Variants in DIO2 observed in about 807,000 individuals in gnomAD.
The protein encoded by DIO2 is iodothyronine deiodinase 2, also known as type II iodothyronine deiodinase.
A neutral mutation model predicts 21.4 loss-of-function variants in DIO2; 19 were observed. The observed-to-expected ratio is 0.89, with a 90% CI of 0.62 to 1.30. The LOEUF (loss-of-function observed/expected upper bound fraction) is 1.30. DIO2 is among the 50% of genes most tolerant of loss of function. The probability of loss-of-function intolerance (pLI) is 0.00; values close to 1 mark genes in which losing one functional copy is unlikely to be tolerated. For synonymous variants in DIO2, 122 were observed against 132.9 expected (o/e 0.92, Z 0.57); for missense variants, 302 against 338.1 (o/e 0.89, Z 0.84).
At chr14:80,227,353 C>T (rs1172636817) in intron 2 of DIO2, among the ~76,000 whole-genome samples, 1 of 152,204 alleles carries the variant, frequency 6.6e-6, no homozygotes, top group East Asian at 1.9e-4. Context: ...TCAGGACCTG[C>T]TCGAGCTCAA....
intron 1 of DIO2, among the ~76,000 whole-genome samples, chr14:80,209,121 C>G (rs1056384706): frequency 1.3e-5 from 2 of 152,118 alleles, no homozygotes; most frequent in Admixed American, 6.6e-5. Context: ...TAATGGAACA[C>G]TATACATTGG....
rs1594877995 is a variant in DIO2 at position 80,211,463 on chromosome 14, G to A, written c.10C>T (p.Leu4Phe). 3.1e-6 allele frequency: 5 copies of A among 1,608,380 alleles called. No homozygotes were observed. The highest frequency in any genetic ancestry group is 3.4e-6 in the Non-Finnish European group (4 of 1,177,698). Reference sequence around the variant, plus strand: ...AGTGTGATCAGCAAGTCTACGCTGAGGATGCCCATCTTCTCTGCCTCCTGA... The same window carrying A: ...AGTGTGATCAGCAAGTCTACGCTGAAGATGCCCATCTTCTCTGCCTCCTGA... The part of the protein sequence containing the change: MGI[L>F]SVDLLITLQI... The change falls in exon 1 of 2, where the codon CTC becomes TTC. Residue 4 changes from leucine (L) to phenylalanine (F), a missense_variant. Coordinates refer to ENST00000438257, the MANE Select transcript of DIO2 (RefSeq NM_013989.5).
chr14:80,210,235 T>C (rs936868600), intron 1 of DIO2, among the ~76,000 whole-genome samples: 6 of 152,190 alleles, frequency 3.9e-5, no homozygotes, highest in African/African-American at 9.6e-5. Context: ...AGAAGTCATA[T>C]GGGCATAGCA....
intron 1 of DIO2, 101 bp from the exon 2 acceptor site, chr14:80,203,389 C>CTAA: frequency 1.5e-6 from 2 of 1,340,812 alleles, no homozygotes; most frequent in Non-Finnish European, 2.0e-6. Flanking sequence ...ACAATTGGCT[C>CTAA]TAATAGAGTG....
chr14:80,204,345 A>G (rs1887867105), intron 1 of DIO2, among the ~76,000 whole-genome samples: 1 of 152,176 alleles, frequency 6.6e-6, no homozygotes, highest in Non-Finnish European at 1.5e-5. Flanking sequence ...TCTACCCCAC[A>G]ATTTGTTAAC....
At position 80,200,670 on chromosome 14, in the gene DIO2, T is replaced by C. The variant is rs1887679921; in HGVS notation, c.*2019A>G. ...CTCAATATGATTTTCCAGCAACTCA[T>C]TAGATAATGAAATTTGCTTTGTTTC... On this transcript the variant is annotated 3_prime_UTR_variant, in exon 2 of 2. Coordinates refer to ENST00000438257, the MANE Select transcript of DIO2 (RefSeq NM_013989.5). The C allele has an allele frequency of 6.6e-6, 1 of 152,184 alleles. No individual in the cohort carries two copies. The highest frequency in any genetic ancestry group is 6.5e-5 in the Admixed American group (1 of 15,270). The allele number at this position is 152,184 out of a possible 1,614,324, so 9.4% of individuals were successfully genotyped here. A position where few individuals can be genotyped will look rare whatever the true frequency, so the allele number is the denominator to read the frequency against.
rs1470924869 is a variant in DIO2, at chr14:80,199,320, C to T, written c.*3369G>A. The T allele has an allele frequency of 6.6e-6, 1 of 152,118 alleles. No individual in the cohort carries two copies. Among genetic ancestry groups the T allele is most frequent in the Non-Finnish European group, 1.5e-5 (1 of 68,024 alleles). 9.4% of individuals were successfully genotyped at this position (152,118 alleles called of 1,614,324 possible). The stretch of plus-strand genomic sequence containing the variant: ...GAGAGAATAAGCACTTCCTGGTTAA[C>T]GGGAGAAGAACTTAACTGAACAGAT... On this transcript the variant is annotated 3_prime_UTR_variant, in exon 2 of 2. Coordinates refer to ENST00000438257, the MANE Select transcript of DIO2 (RefSeq NM_013989.5).
rs750873030 is a variant in DIO2, at chr14:80,211,313, T to C, written c.160A>G (p.Met54Val). Residue 54 changes from methionine to valine, a missense_variant, in exon 1 of 2, where the codon ATG (methionine) becomes GTG (valine). Met to Val is a conservative substitution (Grantham distance 21). Coordinates refer to ENST00000438257, the MANE Select transcript of DIO2 (RefSeq NM_013989.5). Reference protein sequence around the residue: ...SKSTRGEWRRMLTSEGLRCVW... With the variant: ...SKSTRGEWRRVLTSEGLRCVW... ...CAGCGCAGTCCCTCTGAGGTCAGCA[T>C]GCGCCGCCACTCTCCGCGAGTGGAC... 8 of 1,613,226 alleles carry C rather than the reference T, an allele frequency of 5.0e-6. No homozygotes were observed. Among genetic ancestry groups the C allele is most frequent in the Admixed American group, 1.7e-5 (1 of 59,980 alleles).
At chr14:80,215,278 T>TTTTTA (rs1235385658), upstream of DIO2, among the ~76,000 whole-genome samples, 1 of 152,228 alleles carries the variant, frequency 6.6e-6, no homozygotes, top group Non-Finnish European at 1.5e-5. Context: ...TTGTTTAACT[T>TTTTTA]TTTTATATTC....
rs1410936072 is a variant in DIO2, at chr14:80,199,579, A to G, written c.*3110T>C. ...GGGCATCTCCATTCATGCCCATTCA[A>G]GAAAATCATTGTTGATCCCACTAGT... On this transcript the variant is annotated 3_prime_UTR_variant, in exon 2 of 2. Coordinates refer to ENST00000438257, the MANE Select transcript of DIO2 (RefSeq NM_013989.5). 6.6e-6 allele frequency: 1 copy of G among 152,434 alleles called. No homozygotes were observed. Among genetic ancestry groups the G allele is most frequent in the Non-Finnish European group, 1.5e-5 (1 of 68,024 alleles). 9.4% of individuals were successfully genotyped at this position (152,434 alleles called of 1,614,324 possible). A position where few individuals can be genotyped will look rare whatever the true frequency, so the allele number is the denominator to read the frequency against.
intron 1 of DIO2, among the ~76,000 whole-genome samples, chr14:80,207,877 G>GTT (rs1888010809): frequency 6.6e-6 from 1 of 152,104 alleles, no homozygotes; most frequent in Non-Finnish European, 1.5e-5. Context: ...TTTTGGGACT[G>GTT]TTTCTCTCTT....
chr14:80,211,508 C>A (rs758690610), upstream of DIO2: 53 of 1,278,630 alleles, frequency 4.1e-5, no homozygotes, highest in Non-Finnish European at 5.5e-5. Context: ...CTTGTGCGCT[C>A]TGGTTCCCCT....
At chr14:80,205,727 A>T (rs1887926317) in intron 1 of DIO2, 1 of 1,299,868 alleles carries the variant, frequency 7.7e-7, no homozygotes. Flanking sequence ...TAAGTACAAC[A>T]CTGTCAGTCT....
At chr14:80,228,950 G>T (rs1888631981) in intron 2 of DIO2, among the ~76,000 whole-genome samples, 1 of 152,112 alleles carries the variant, frequency 6.6e-6, no homozygotes. Context: ...CCTGGTAAAA[G>T]GTTGGAGGTC....
rs901711918 is a variant in DIO2, at chr14:80,198,018, C to G, written c.*4671G>C. 6.6e-6 allele frequency: 1 copy of G among 152,654 alleles called. No individual in the cohort carries two copies. The highest frequency in any genetic ancestry group is 1.5e-5 in the Non-Finnish European group (1 of 68,040). The allele number at this position is 152,654 out of a possible 1,614,324, so 9.5% of individuals were successfully genotyped here. A position where few individuals can be genotyped will look rare whatever the true frequency, so the allele number is the denominator to read the frequency against. On this transcript the variant is annotated 3_prime_UTR_variant, in exon 2 of 2. Transcript: ENST00000438257. ...ACTTATTTCTTCACATCCCCCAATC[C>G]TAATACACATAAAAACCACGCTGAC... is the stretch of plus-strand genomic sequence containing the variant.
chr14:80,226,470 C>T lies in DIO2; in HGVS notation c.-277-9733G>A, dbSNP rs553401233. Among the ~76,000 whole-genome samples the T allele has an allele frequency of 5.3e-5, 8 of 152,300 alleles. No individual in the cohort carries two copies. In the South Asian group the frequency reaches 1.0e-3, roughly 20 times the overall value. ...GCATGCAGGATAGGCAAACTTGTAT[C>T]TGGAGTAAATGTCTATTCCAGTGAG... On this transcript the variant is annotated intron_variant, in intron 2 of 4. Coordinates refer to the DIO2 transcript ENST00000553594.
Position 80,200,928 on chromosome 14 carries a change from T to C in DIO2, c.*1761A>G, listed in dbSNP as rs568806377. On this transcript the variant is annotated 3_prime_UTR_variant, in exon 2 of 2. Coordinates refer to ENST00000438257, the MANE Select transcript of DIO2 (RefSeq NM_013989.5). Reference sequence around the variant, plus strand: ...AATGTATTTTCAACTTTAGTTTTTTTCTATCCATTTTATTTATTTTTTATT... The same window carrying C: ...AATGTATTTTCAACTTTAGTTTTTTCCTATCCATTTTATTTATTTTTTATT... 10 of 152,272 alleles carry C rather than the reference T, an allele frequency of 6.6e-5. No individual in the cohort carries two copies. The South Asian group carries it at 1.9e-3, about 28-fold the overall frequency. The allele number at this position is 152,272 out of a possible 1,614,324, so 9.4% of individuals were successfully genotyped here.
chr14:80,214,600 C>T (rs191893719), upstream of DIO2, among the ~76,000 whole-genome samples: 314 of 152,144 alleles, frequency 2.1e-3, 2 homozygotes, highest in African/African-American at 5.7e-3. Flanking sequence ...TCTAAATGAA[C>T]GATAAACACA....
In DIO2 at chr14:80,211,444, A is replaced by T; in HGVS notation, c.29T>A (p.Ile10Asn). 6.2e-7 allele frequency: 1 copy of T among 1,611,700 alleles called. No homozygotes were observed. Residue 10 changes from isoleucine (I) to asparagine (N), a missense_variant, in exon 1 of 2, where the codon ATC (isoleucine) becomes AAC (asparagine). Coordinates refer to ENST00000438257, the MANE Select transcript of DIO2 (RefSeq NM_013989.5). MGILSVDLL[I>N]TLQILPVFFS... ...AAAAACTGGCAGAATTTGCAGTGTG[A>T]TCAGCAAGTCTACGCTGAGGATGCC...
Sources: gnomAD v4.1 joint callset for allele counts (sites outside exome capture counted in the v4.1 genomes callset) on GRCh38, gnomAD v4.1.1 for gene constraint, MANE v1.5 for transcripts, NCBI Gene and HGNC (gene_info 2026-07-23, HGNC 2026-07-21) for gene names.